COL28A1: variants seen among roughly 807,000 people sequenced by gnomAD.
COL28A1 encodes collagen type XXVIII alpha 1 chain.
Under a neutral mutation model 150.2 loss-of-function variants are expected in COL28A1, and 161 were observed. That is an observed-to-expected ratio of 1.07 (90% confidence interval 0.94 to 1.22). The LOEUF (loss-of-function observed/expected upper bound fraction) is 1.22, where lower values mean the gene tolerates loss of function less well. COL28A1 is among the 50% of genes most tolerant of loss of function. The pLI is 0.00. For synonymous variants in COL28A1, 552 were observed against 469.7 expected, an observed-to-expected ratio of 1.18 and a Z score of -2.26; for missense variants, 1,617 against 1,388.3, an observed-to-expected ratio of 1.16 and a Z score of -2.62.
intron 1 of COL28A1, among the ~76,000 whole-genome samples, chr7:7,534,388 T>C (rs971978290): frequency 3.3e-5 from 5 of 151,992 alleles, no homozygotes; most frequent in African/African-American, 1.2e-4. Flanking sequence ...AGGAAAAAAA[T>C]AAATGATGTA....
At chr7:7,379,885 C>T (rs1323797458) in intron 30 of COL28A1, among the ~76,000 whole-genome samples, 5 of 152,076 alleles carry the variant, frequency 3.3e-5, no homozygotes, top group Admixed American at 1.3e-4. Context: ...GCAGACAGCC[C>T]GCAGAACACA....
intron 3 of COL28A1, among the ~76,000 whole-genome samples, chr7:7,525,328 T>C (rs1043413303): frequency 4.6e-5 from 7 of 152,264 alleles, no homozygotes; most frequent in African/African-American, 1.7e-4. Context: ...AGAAATGTCA[T>C]GATCTTGTTT....
At chr7:7,356,217 T>G (rs1562449528), downstream of COL28A1, 1 of 152,170 alleles carries the variant, frequency 6.6e-6, no homozygotes, top group Non-Finnish European at 1.5e-5. Flanking sequence ...TGTAAAACTG[T>G]AAAATAAGCA....
intron 27 of COL28A1, among the ~76,000 whole-genome samples, chr7:7,409,206 C>A (rs1310015475): frequency 6.6e-6 from 1 of 152,130 alleles, no homozygotes; most frequent in South Asian, 2.1e-4. Flanking sequence ...TTCTGACCAA[C>A]CACTGATGGG....
At chr7:7,391,928 CTTG>C in intron 27 of COL28A1, among the ~76,000 whole-genome samples, 1 of 151,428 alleles carries the variant, frequency 6.6e-6, no homozygotes, top group South Asian at 2.1e-4. Context: ...TGGGTCTTGA[CTTG>C]TTATTTAATT....
intron 11 of COL28A1, among the ~76,000 whole-genome samples, chr7:7,500,043 G>A (rs1431722625): frequency 6.6e-6 from 1 of 152,146 alleles, no homozygotes; most frequent in African/African-American, 2.4e-5. Flanking sequence ...TGCACAGGAA[G>A]CTTTTGATGG....
At chr7:7,465,311 G>C (rs1220480265) in intron 15 of COL28A1, among the ~76,000 whole-genome samples, 1 of 145,634 alleles carries the variant, frequency 6.9e-6, no homozygotes, top group African/African-American at 2.6e-5. Context: ...AGGGGTCAGG[G>C]AGTTCCCTTT....
chr7:7,372,123 G>C (rs1285036263), intron 32 of COL28A1, among the ~76,000 whole-genome samples: 5 of 152,068 alleles, frequency 3.3e-5, no homozygotes, highest in Non-Finnish European at 7.4e-5. Flanking sequence ...TCTTTGGCTG[G>C]GCACGGTGGC....
chr7:7,441,980 C>T (rs1562661014), intron 20 of COL28A1, among the ~76,000 whole-genome samples: 1 of 152,100 alleles, frequency 6.6e-6, no homozygotes, highest in East Asian at 1.9e-4. Flanking sequence ...TATTTTCTTC[C>T]CTCCACTACC....
intron 27 of COL28A1, among the ~76,000 whole-genome samples, chr7:7,391,874 G>A (rs1175264045): frequency 7.2e-6 from 1 of 138,616 alleles, no homozygotes; most frequent in Non-Finnish European, 1.5e-5. Context: ...GAGCCTATGT[G>A]TGTCCTTGCA....
intron 21 of COL28A1, among the ~76,000 whole-genome samples, chr7:7,440,332 G>A (rs4035105): frequency 0.19 from 28,396 of 152,134 alleles, 3,080 homozygotes; most frequent in African/African-American, 0.3. Flanking sequence ...AGAGCATATC[G>A]TTATCTTCTT....
chr7:7,400,977 T>TGTGG (rs1562554172), intron 27 of COL28A1, among the ~76,000 whole-genome samples: 1 of 48,406 alleles, frequency 2.1e-5, no homozygotes, highest in African/African-American at 9.7e-5. Flanking sequence ...GGTATTTGGG[T>TGTGG]GTGTGTGTGT....
chr7:7,480,973 G>C (rs900157188), intron 13 of COL28A1, among the ~76,000 whole-genome samples: 15 of 152,164 alleles, frequency 9.9e-5, no homozygotes, highest in Non-Finnish European at 2.1e-4. Flanking sequence ...TTAAGTCAGA[G>C]AGATTTAAAT....
At chr7:7,338,917 C>A in the COL28A1 span, among the ~76,000 whole-genome samples, 1 of 152,138 alleles carries the variant, frequency 6.6e-6, no homozygotes, top group African/African-American at 2.4e-5. Context: ...AGAACCCTGC[C>A]ATTGCCTTGT....
intron 13 of COL28A1, among the ~76,000 whole-genome samples, chr7:7,478,114 A>G (rs1789074607): frequency 6.6e-6 from 1 of 152,178 alleles, no homozygotes; most frequent in Non-Finnish European, 1.5e-5. Context: ...TTAGCTAGAC[A>G]TAAAGATTCT....
At chr7:7,477,925 G>A (rs1192176580) in intron 13 of COL28A1, among the ~76,000 whole-genome samples, 2 of 152,174 alleles carry the variant, frequency 1.3e-5, no homozygotes, top group Non-Finnish European at 2.9e-5. Flanking sequence ...ACAGGGTGCT[G>A]ATTGGTGCGT....
rs184614119 is a variant in COL28A1 at position 7,380,637 on chromosome 7, T to C, written c.2322+23A>G. On this transcript the variant is annotated intron_variant, in intron 30 of 34. Transcript: ENST00000399429. ...ATTTTGCAAGCACAAAACCCTCAAT[T>C]ACCCTCTAGAATGGATACTCACTGT... 2,348 of 1,607,944 alleles carry C rather than the reference T, an allele frequency of 1.5e-3. 4 individuals are homozygous for C. Among genetic ancestry groups the C allele is most frequent in the Non-Finnish European group, 1.8e-3 (2,077 of 1,175,426 alleles).
intron 11 of COL28A1, among the ~76,000 whole-genome samples, chr7:7,496,447 G>T (rs1562832256): frequency 6.6e-6 from 1 of 152,236 alleles, no homozygotes; most frequent in East Asian, 1.9e-4. Context: ...GTTCCCTGTG[G>T]TTCACTTAGG....
chr7:7,427,016 T>C (rs1459614668), intron 25 of COL28A1, among the ~76,000 whole-genome samples: 1 of 152,178 alleles, frequency 6.6e-6, no homozygotes, highest in Non-Finnish European at 1.5e-5. Flanking sequence ...ATGTGGGCAA[T>C]GAATGTTAAG....
Sources: gnomAD v4.1 joint callset for allele counts (sites outside exome capture counted in the v4.1 genomes callset) on GRCh38, gnomAD v4.1.1 for gene constraint, MANE v1.5 for transcripts, NCBI Gene and HGNC (gene_info 2026-07-23, HGNC 2026-07-21) for gene names.